Variants in PLGRKT observed in about 807,000 individuals in gnomAD.
PLGRKT encodes the protein plasminogen receptor with a C-terminal lysine, also known as plasminogen receptor (KT).
Under a neutral mutation model 18.5 loss-of-function variants are expected in PLGRKT, and 22 were observed. That is an observed-to-expected ratio of 1.19 (90% CI 0.85 to 1.70). The LOEUF is 1.70. PLGRKT is among the 40% of genes most tolerant of loss of function. The pLI is 0.00. For missense variants in PLGRKT, 235 were observed against 174.4 expected (o/e 1.35, Z -1.96); for synonymous variants, 72 against 52.8 (o/e 1.36, Z -1.58).
intron 3 of PLGRKT, among the ~76,000 whole-genome samples, chr9:5,404,145 C>T (rs892093135): frequency 6.6e-6 from 1 of 152,170 alleles, no homozygotes; most frequent in African/African-American, 2.4e-5. Context: ...AGCCTACCAA[C>T]CAAAAACAGC....
intron 3 of PLGRKT, among the ~76,000 whole-genome samples, chr9:5,370,884 G>A (rs1207151236): frequency 6.6e-6 from 1 of 152,138 alleles, no homozygotes; most frequent in Admixed American, 6.5e-5. Context: ...TCAATGTCCA[G>A]TCTAGGAAGA....
In PLGRKT at chr9:5,419,431, T is replaced by C. The variant is rs368702331; in HGVS notation, c.81+12466A>G. ...GACCTTTCTCCGTGGCGTGTTCAGG[T>C]GCTGGCTACAGAGGCCACGGACGCT... is the stretch of plus-strand genomic sequence containing the variant. On this transcript the variant is annotated intron_variant, in intron 3 of 5. Coordinates refer to ENST00000223864, the MANE Select transcript of PLGRKT (RefSeq NM_018465.4). Among the ~76,000 whole-genome samples, 198 of 152,344 alleles carry C rather than the reference T, an allele frequency of 1.3e-3. 1 individual carries two copies. The highest frequency in any genetic ancestry group is 6.8e-3 in the Middle Eastern group (2 of 294).
At chr9:5,383,397 C>A (rs895996940) in intron 3 of PLGRKT, among the ~76,000 whole-genome samples, 1 of 152,150 alleles carries the variant, frequency 6.6e-6, no homozygotes, top group East Asian at 1.9e-4. Flanking sequence ...CACAGTGGTC[C>A]CCAACCTTTT....
intron 3 of PLGRKT, among the ~76,000 whole-genome samples, chr9:5,415,228 A>C (rs1306070067): frequency 6.6e-6 from 1 of 152,236 alleles, no homozygotes; most frequent in Non-Finnish European, 1.5e-5. Context: ...AGTTGGTCAA[A>C]GTCAAGGCTG....
At chr9:5,413,539 C>A (rs569263830) in intron 3 of PLGRKT, among the ~76,000 whole-genome samples, 18 of 152,208 alleles carry the variant, frequency 1.2e-4, no homozygotes, top group African/African-American at 4.1e-4. Context: ...AATGAAGATG[C>A]CATGCTGCTA....
At chr9:5,372,520 A>T (rs10441733) in intron 3 of PLGRKT, among the ~76,000 whole-genome samples, 99,189 of 151,512 alleles carry the variant, frequency 0.65, 32,544 homozygotes, top group South Asian at 0.75. Flanking sequence ...TGCACTCTAC[A>T]TTATCAGGAA....
chr9:5,401,181 C>T (rs1276543636), intron 3 of PLGRKT, among the ~76,000 whole-genome samples: 2 of 151,648 alleles, frequency 1.3e-5, no homozygotes, highest in Non-Finnish European at 2.9e-5. Flanking sequence ...TGTTCCATTA[C>T]CCAGTCTACA....
intron 3 of PLGRKT, among the ~76,000 whole-genome samples, chr9:5,388,457 A>C (rs1013977641): frequency 1.3e-5 from 2 of 152,036 alleles, no homozygotes; most frequent in African/African-American, 4.8e-5. Flanking sequence ...CAGATGATAC[A>C]TAAAAATCTA....
chr9:5,374,515 C>T (rs951444025), intron 3 of PLGRKT, among the ~76,000 whole-genome samples: 1 of 152,184 alleles, frequency 6.6e-6, no homozygotes, highest in South Asian at 2.1e-4. Context: ...CTCACTGAGG[C>T]CACACATGCT....
At chr9:5,416,735 G>A (rs970017083) in intron 3 of PLGRKT, among the ~76,000 whole-genome samples, 2 of 152,178 alleles carry the variant, frequency 1.3e-5, no homozygotes, top group Non-Finnish European at 2.9e-5. Flanking sequence ...GTCTGCCCTG[G>A]AGAAGTGTCT....
At chr9:5,402,847 T>A (rs1244046058) in intron 3 of PLGRKT, among the ~76,000 whole-genome samples, 1 of 151,930 alleles carries the variant, frequency 6.6e-6, no homozygotes, top group Non-Finnish European at 1.5e-5. Flanking sequence ...TAGGAAGAAA[T>A]GATGGTTAGC....
chr9:5,435,888 G>A (rs775127567), intron 2 of PLGRKT, among the ~76,000 whole-genome samples: 6 of 152,244 alleles, frequency 3.9e-5, no homozygotes, highest in Non-Finnish European at 7.3e-5. Context: ...TGGGGTTCCA[G>A]GTGAGTGGGA....
intron 3 of PLGRKT, among the ~76,000 whole-genome samples, chr9:5,374,051 TG>T (rs977349524): frequency 4.6e-5 from 7 of 152,240 alleles, no homozygotes; most frequent in African/African-American, 1.7e-4. Context: ...CATCACCTTC[TG>T]GGCTCTAACC....
In PLGRKT at chr9:5,359,902, C is replaced by T. The variant is rs536905364; in HGVS notation, c.322+1176G>A. Among the ~76,000 whole-genome samples, 12 of 152,242 alleles carry T rather than the reference C, an allele frequency of 7.9e-5. No individual in the cohort carries two copies. In the East Asian group the frequency reaches 2.1e-3, roughly 27 times the overall value. Reference sequence around the variant, plus strand: ...GTTTATTACACGTGTTATACATGTTCACTATACATAAAAATATGTATCATA... The same window carrying T: ...GTTTATTACACGTGTTATACATGTTTACTATACATAAAAATATGTATCATA... On this transcript the variant is annotated intron_variant, in intron 5 of 5. Transcript: ENST00000223864.
chr9:5,413,416 A>G (rs773731881), intron 3 of PLGRKT, among the ~76,000 whole-genome samples: 4 of 152,100 alleles, frequency 2.6e-5, no homozygotes, highest in Non-Finnish European at 5.9e-5. Context: ...GATCTGACTC[A>G]GCTCAGGATT....
intron 5 of PLGRKT, 63 bp downstream of exon 5, chr9:5,361,015 G>A (rs1470674059): frequency 2.8e-5 from 24 of 871,248 alleles, no homozygotes; most frequent in Non-Finnish European, 4.2e-5. Context: ...GGTTCCTAAG[G>A]CAGGGATCCT....
chr9:5,422,255 T>C (rs1314145143), intron 3 of PLGRKT, among the ~76,000 whole-genome samples: 1 of 152,154 alleles, frequency 6.6e-6, no homozygotes. Flanking sequence ...TCGATATGAC[T>C]AAAGGTAAGA....
intron 3 of PLGRKT, among the ~76,000 whole-genome samples, chr9:5,372,666 C>G (rs929444964): frequency 2.0e-5 from 3 of 152,196 alleles, no homozygotes; most frequent in Admixed American, 6.5e-5. Context: ...CTTACAAGAG[C>G]TAATGTCGTC....
chr9:5,413,663 C>T (rs1586735673), intron 3 of PLGRKT, among the ~76,000 whole-genome samples: 2 of 152,208 alleles, frequency 1.3e-5, no homozygotes, highest in East Asian at 3.8e-4. Context: ...TGCAGCCCCC[C>T]TCACATCTTG....
Sources: allele counts gnomAD v4.1 joint callset (sites outside exome capture counted in the v4.1 genomes callset), GRCh38; gene constraint gnomAD v4.1.1; transcripts MANE v1.5; gene names NCBI Gene and HGNC (gene_info 2026-07-23, HGNC 2026-07-21).